SCGB2B2: variants seen among roughly 807,000 people sequenced by gnomAD.
The protein encoded by SCGB2B2 is secretoglobin family 2B member 2, also known as secretoglobin-like protein.
In SCGB2B2, 11 loss-of-function variants were observed where a neutral mutation model predicts 7.6. The ratio of observed to expected loss-of-function variants is 1.45; its 90% CI spans 0.91 to 2.40. SCGB2B2 has a LOEUF of 2.40. Among genes scored for constraint, SCGB2B2 ranks in the 30% most tolerant of loss-of-function variants. SCGB2B2 has a pLI of 0.00. For synonymous variants in SCGB2B2, 50 were observed against 48.6 expected, an observed-to-expected ratio of 1.03 and a Z score of -0.12; for missense variants, 104 against 115.4, an observed-to-expected ratio of 0.90 and a Z score of 0.45.
intron 1 of SCGB2B2, among the ~76,000 whole-genome samples, chr19:34,627,347 C>A (rs1453986646): frequency 1.4e-4 from 22 of 152,194 alleles, no homozygotes; most frequent in Non-Finnish European, 1.5e-5. Flanking sequence ...CATCATTGTG[C>A]TGTATTCAGG....
chr19:34,597,633 G>A (rs2065496864), intron 1 of SCGB2B2, among the ~76,000 whole-genome samples: 1 of 152,254 alleles, frequency 6.6e-6, no homozygotes, highest in Non-Finnish European at 1.5e-5. Flanking sequence ...CTGGGCAGCA[G>A]ATGCAGCCAG....
chr19:34,655,804 C>G (rs2067266471), intron 1 of SCGB2B2, among the ~76,000 whole-genome samples: 1 of 151,076 alleles, frequency 6.6e-6, no homozygotes, highest in Non-Finnish European at 1.5e-5. Flanking sequence ...TAACGAGAGG[C>G]AAGGAAAAGG....
At chr19:34,617,345 T>G (rs2066112692) in intron 1 of SCGB2B2, among the ~76,000 whole-genome samples, 3 of 151,482 alleles carry the variant, frequency 2.0e-5, no homozygotes, top group Admixed American at 2.0e-4. Flanking sequence ...TTTGTTTGTA[T>G]CCTCTTTTAT....
intron 1 of SCGB2B2, among the ~76,000 whole-genome samples, chr19:34,655,651 A>G (rs2067262514): frequency 6.6e-6 from 1 of 151,356 alleles, no homozygotes; most frequent in African/African-American, 2.5e-5. Flanking sequence ...GCAGATCCTT[A>G]GCCTTCGAAA....
chr19:34,594,120 C>A lies in SCGB2B2; in HGVS notation c.246+55G>T, dbSNP rs893760855. The A allele has an allele frequency of 7.7e-6, 11 of 1,436,342 alleles. No individual in the cohort carries two copies. In the Admixed American group the frequency reaches 8.6e-5, roughly 11 times the overall value. 89.0% of individuals were successfully genotyped at this position (1,436,342 alleles called of 1,614,324 possible). A position where few individuals can be genotyped will look rare whatever the true frequency, so the allele number is the denominator to read the frequency against. On this transcript the variant is annotated intron_variant, in intron 3 of 3. Transcript: ENST00000601241. The stretch of plus-strand genomic sequence containing the variant: ...GATGGAAGGCAAGTGCAGGGAAGTG[C>A]AAGCCTGGGACGTGTGGCCATGTAG...
intron 1 of SCGB2B2, among the ~76,000 whole-genome samples, chr19:34,670,605 G>A (rs1479389653): frequency 6.6e-6 from 1 of 152,144 alleles, no homozygotes; most frequent in Non-Finnish European, 1.5e-5. Flanking sequence ...AGTTTTGAGA[G>A]TTCTTAATAA....
intron 3 of SCGB2B2, 21 bp downstream of exon 3, chr19:34,594,154 G>C (rs773197070): frequency 1.9e-6 from 3 of 1,602,248 alleles, no homozygotes; most frequent in South Asian, 2.2e-5. Flanking sequence ...AGTGTGTGCA[G>C]GTCCCCCCGG....
chr19:34,603,795 C>CTTTT (rs71165672), intron 1 of SCGB2B2, among the ~76,000 whole-genome samples: 1,508 of 131,248 alleles, frequency 0.011, 36 homozygotes, highest in East Asian at 0.055. Flanking sequence ...TGTTTTATTA[C>CTTTT]TTTTTTTTTT....
intron 1 of SCGB2B2, among the ~76,000 whole-genome samples, chr19:34,664,530 C>T (rs1352679614): frequency 6.6e-6 from 1 of 152,184 alleles, no homozygotes; most frequent in Non-Finnish European, 1.5e-5. Flanking sequence ...TGGCTCAGGT[C>T]AGTTTGCTCC....
At chr19:34,622,839 T>C (rs556012184) in intron 1 of SCGB2B2, among the ~76,000 whole-genome samples, 22 of 152,218 alleles carry the variant, frequency 1.4e-4, no homozygotes, top group East Asian at 3.9e-4. Flanking sequence ...TGTCCTTCAA[T>C]TGAAATGAGA....
chr19:34,619,558 A>C (rs1359519162), intron 1 of SCGB2B2, among the ~76,000 whole-genome samples: 2 of 152,196 alleles, frequency 1.3e-5, no homozygotes, highest in African/African-American at 4.8e-5. Flanking sequence ...GAGATGTAGA[A>C]TCTCCCCAAA....
At chr19:34,656,580 G>A (rs1352774364) in intron 1 of SCGB2B2, among the ~76,000 whole-genome samples, 2 of 151,168 alleles carry the variant, frequency 1.3e-5, no homozygotes, top group Non-Finnish European at 2.9e-5. Context: ...TTCAGCCCAG[G>A]TAACAAAGCA....
At chr19:34,641,696 C>A (rs573161078) in intron 1 of SCGB2B2, among the ~76,000 whole-genome samples, 3 of 152,060 alleles carry the variant, frequency 2.0e-5, no homozygotes, top group African/African-American at 7.2e-5. Flanking sequence ...TAGGTTTGAC[C>A]AACTCTTGGC....
At chr19:34,645,706 C>T in intron 1 of SCGB2B2, 1 of 426,272 alleles carries the variant, frequency 2.3e-6, no homozygotes. Context: ...TGGCTCTAAT[C>T]TGCAGCGTCC....
chr19:34,607,987 A>G (rs2065827432), intron 1 of SCGB2B2, among the ~76,000 whole-genome samples: 1 of 151,770 alleles, frequency 6.6e-6, no homozygotes, highest in South Asian at 2.1e-4. Context: ...TCCTTTTTCT[A>G]TAAAAAATGC....
chr19:34,626,745 G>A (rs918076936), intron 1 of SCGB2B2, among the ~76,000 whole-genome samples: 8 of 152,146 alleles, frequency 5.3e-5, no homozygotes, highest in Non-Finnish European at 1.0e-4. Flanking sequence ...TCAAACTCAG[G>A]AAACACAGAG....
At chr19:34,668,239 C>A (rs2067693110) in intron 1 of SCGB2B2, among the ~76,000 whole-genome samples, 2 of 152,194 alleles carry the variant, frequency 1.3e-5, no homozygotes, top group African/African-American at 4.8e-5. Flanking sequence ...CGCTTGCGAG[C>A]CAGCTGGAGT....
In SCGB2B2 at chr19:34,592,160, A is replaced by G. The variant is rs143801747; in HGVS notation, c.*1395T>C. On this transcript the variant is annotated 3_prime_UTR_variant, in exon 4 of 4. Coordinates refer to ENST00000601241, the MANE Select transcript of SCGB2B2 (RefSeq NM_001025591.4). ...GAGGAGATGACGGCTGAGGGATGACAAGGAGAATGGGTGGAAGGGAGAAAG... is the reference window on the plus strand; with the variant it reads ...GAGGAGATGACGGCTGAGGGATGACGAGGAGAATGGGTGGAAGGGAGAAAG... 6.9e-3 allele frequency among the ~76,000 whole-genome samples: 1,055 copies of G among 152,188 alleles called. 15 individuals are homozygous for G. The highest frequency in any genetic ancestry group is 0.024 in the African/African-American group (999 of 41,528).
rs1555750462 is a variant in SCGB2B2, at chr19:34,669,714, T to TACACACACACACACAC, written c.-2032+5900_-2032+5915dup. Among the ~76,000 whole-genome samples the TACACACACACACACAC allele has an allele frequency of 3.1e-3, 434 of 139,574 alleles. 7 individuals carry two copies. The highest frequency in any genetic ancestry group is 5.9e-3 in the African/African-American group (218 of 36,654). 91.6% of individuals were successfully genotyped at this position (139,574 alleles called of 152,430 possible). A position where few individuals can be genotyped will look rare whatever the true frequency, so the allele number is the denominator to read the frequency against. Reference sequence around the variant, plus strand: ...TCTGCAGACCTGCCCTGCCCCCACTTACACACACACACACACGAAGAGGTG... The same window carrying TACACACACACACACAC: ...TCTGCAGACCTGCCCTGCCCCCACTTACACACACACACACACACACACACACACACACGAAGAGGTG... On this transcript the variant is annotated intron_variant, in intron 1 of 3. Coordinates refer to ENST00000601241, the MANE Select transcript of SCGB2B2 (RefSeq NM_001025591.4).
Sources: allele counts gnomAD v4.1 joint callset (sites outside exome capture counted in the v4.1 genomes callset), GRCh38; gene constraint gnomAD v4.1.1; transcripts MANE v1.5; gene names NCBI Gene and HGNC (gene_info 2026-07-23, HGNC 2026-07-21).